Variants in OR11A1 observed in about 807,000 individuals in gnomAD.
OR11A1 encodes the protein olfactory receptor 11A1.
For missense variants in OR11A1, 380 were observed against 378.2 expected (o/e 1.00, Z -0.04); for synonymous variants, 158 against 152.2 (o/e 1.04, Z -0.28).
rs143341171 is a variant in OR11A1, at chr6:29,432,673, C to T, written c.-388-686G>A. Among the ~76,000 whole-genome samples, 438 of 152,262 alleles carry T rather than the reference C, an allele frequency of 2.9e-3. 3 individuals are homozygous for T. The highest frequency in any genetic ancestry group is 6.8e-3 in the Middle Eastern group (2 of 294). On this transcript the variant is annotated intron_variant, in intron 1 of 4. Coordinates refer to ENST00000377149, the MANE Select transcript of OR11A1 (RefSeq NM_001394828.1). ...GTTATGTAGCGTTTCAATATCCTTC[C>T]TGACCAAATTACTGCCCAACAACTT...
intron 1 of OR11A1, among the ~76,000 whole-genome samples, chr6:29,456,784 C>T (rs1786373308): frequency 1.3e-5 from 2 of 152,158 alleles, no homozygotes. Flanking sequence ...TATTTATTAT[C>T]TCACAGTTTC....
chr6:29,431,103 A>G (rs954383434), intron 2 of OR11A1, among the ~76,000 whole-genome samples: 11 of 152,202 alleles, frequency 7.2e-5, no homozygotes, highest in Non-Finnish European at 1.3e-4. Context: ...ATTCTAAGTA[A>G]AAACCATAAC....
At chr6:29,441,280 A>G (rs1784170762) in intron 1 of OR11A1, among the ~76,000 whole-genome samples, 1 of 152,226 alleles carries the variant, frequency 6.6e-6, no homozygotes. Context: ...TTCAGCCACA[A>G]CAATGATCCT....
chr6:29,446,212 T>C (rs1036013038), intron 1 of OR11A1, among the ~76,000 whole-genome samples: 1 of 152,180 alleles, frequency 6.6e-6, no homozygotes, highest in Non-Finnish European at 1.5e-5. Context: ...GGCAATCTGG[T>C]CAACTTCCTT....
At chr6:29,440,018 G>C (rs766731304) in intron 1 of OR11A1, 11 of 1,611,722 alleles carry the variant, frequency 6.8e-6, no homozygotes, top group Non-Finnish European at 9.3e-6. Context: ...CAGGCAGGAT[G>C]AGTGCAAACA....
intron 3 of OR11A1, 41 bp from the exon 4 acceptor site, chr6:29,429,001 A>G: frequency 5.5e-6 from 4 of 723,710 alleles, no homozygotes; most frequent in Non-Finnish European, 6.8e-6. Flanking sequence ...GATTAGAAAC[A>G]GTTGAGAAAG....
chr6:29,434,892 T>C lies in OR11A1; in HGVS notation c.-388-2905A>G, dbSNP rs114409834. Among the ~76,000 whole-genome samples, 1,005 of 152,328 alleles carry C rather than the reference T, an allele frequency of 6.6e-3. 8 individuals carry two copies. The highest frequency in any genetic ancestry group is 0.01 in the Middle Eastern group (3 of 292). ...CCTTCCCTTGTGTCCTGGGGTCAAT[T>C]TGGCCTAAACTGCAAGACGTGAAAA... On this transcript the variant is annotated intron_variant, in intron 1 of 4. Transcript: ENST00000377149.
chr6:29,426,871 C>A lies in OR11A1; in HGVS notation c.771G>T (p.Met257Ile). ...CAGCAGAGGGTGCAACATAAAAGAT[C>A]ATGAGCGTTCCATAGAATGTGGTCA... Reference protein sequence around the residue: ...AVVTTFYGTLMIFYVAPSAVH... With the variant: ...AVVTTFYGTLIIFYVAPSAVH... The change falls in exon 5 of 5, where the codon ATG becomes ATT. Residue 257 changes from methionine (M) to isoleucine (I), a missense_variant. Transcript: ENST00000377149. The A allele has an allele frequency of 6.2e-7, 1 of 1,613,080 alleles. No individual in the cohort carries two copies. Among genetic ancestry groups the A allele is most frequent in the Non-Finnish European group, 8.5e-7 (1 of 1,180,028 alleles).
intron 1 of OR11A1, among the ~76,000 whole-genome samples, chr6:29,448,569 C>T (rs1477455544): frequency 6.6e-6 from 1 of 152,206 alleles, no homozygotes. Context: ...CCAAGTGATA[C>T]ATTCTGTTTA....
At chr6:29,440,528 T>C in intron 1 of OR11A1, 2 of 1,613,684 alleles carry the variant, frequency 1.2e-6, no homozygotes, top group South Asian at 1.1e-5. Flanking sequence ...GCGGCCCCAA[T>C]ACCATCCCGC....
chr6:29,430,994 T>C (rs1042470660), intron 2 of OR11A1, among the ~76,000 whole-genome samples: 2 of 151,864 alleles, frequency 1.3e-5, no homozygotes, highest in South Asian at 2.1e-4. Context: ...GCAGGAAGAG[T>C]TTGAAATCAA....
intron 2 of OR11A1, among the ~76,000 whole-genome samples, chr6:29,430,812 A>C (rs1397054378): frequency 6.6e-6 from 1 of 152,170 alleles, no homozygotes; most frequent in East Asian, 1.9e-4. Context: ...AATCTGTAAA[A>C]GTAGATATGA....
At chr6:29,435,498 G>A (rs760138948) in intron 1 of OR11A1, among the ~76,000 whole-genome samples, 3 of 152,130 alleles carry the variant, frequency 2.0e-5, no homozygotes, top group Non-Finnish European at 2.9e-5. Flanking sequence ...TCATAAGCTC[G>A]AGCTCAGTGA....
intron 1 of OR11A1, chr6:29,432,189 G>A (rs1783276284): frequency 6.1e-6 from 1 of 164,428 alleles, no homozygotes; most frequent in African/African-American, 2.4e-5. Context: ...CAGATTTACT[G>A]GAGAGCAGCC....
At chr6:29,436,804 T>C (rs913730123) in intron 1 of OR11A1, among the ~76,000 whole-genome samples, 2 of 152,224 alleles carry the variant, frequency 1.3e-5, no homozygotes, top group Admixed American at 6.5e-5. Context: ...CAGTGCTCTG[T>C]CAGCTGTATC....
intron 4 of OR11A1, chr6:29,428,138 C>G: frequency 4.6e-6 from 3 of 654,752 alleles, no homozygotes; most frequent in Non-Finnish European, 5.7e-6. Flanking sequence ...GTCTAATCCC[C>G]ATGGTCACTA....
At chr6:29,442,339 C>T (rs1784278708) in intron 1 of OR11A1, among the ~76,000 whole-genome samples, 1 of 152,138 alleles carries the variant, frequency 6.6e-6, no homozygotes, top group African/African-American at 2.4e-5. Context: ...CAGTGAACTG[C>T]AGAACAAATA....
rs1782829369 is a variant in OR11A1, at chr6:29,426,681, TC to T, written c.*12del. 17 of 1,594,728 alleles carry T rather than the reference TC, an allele frequency of 1.1e-5. No individual in the cohort carries two copies. In the Middle Eastern group the frequency reaches 5.0e-4, roughly 47 times the overall value. Reference sequence around the variant, plus strand: ...GTGTCCGAAGTCCAAAATAACATCTTCATTACTCTCCTTCAATCAAGTGTTT... The same window carrying T: ...GTGTCCGAAGTCCAAAATAACATCTTATTACTCTCCTTCAATCAAGTGTTT... On this transcript the variant is annotated 3_prime_UTR_variant, in exon 5 of 5. Coordinates refer to ENST00000377149, the MANE Select transcript of OR11A1 (RefSeq NM_001394828.1).
Position 29,427,222 on chromosome 6 carries a change from T to C in OR11A1, c.420A>G (p.Arg140=). The C allele has an allele frequency of 6.2e-7, 1 of 1,613,048 alleles. No individual in the cohort carries two copies. Among genetic ancestry groups the C allele is most frequent in the Non-Finnish European group, 8.5e-7 (1 of 1,180,022 alleles). Reference sequence around the variant, plus strand: ...TTGTGACCACCAGCCCCATGTACCGTCTGGGCCCCATCAGGAGTGGGTAGT... The same window carrying C: ...TTGTGACCACCAGCCCCATGTACCGCCTGGGCCCCATCAGGAGTGGGTAGT... ...PLHYPLLMGP[R]RYMGLVVTTW... The change falls in exon 5 of 5, where the codon AGA becomes AGG. Residue 140 remains arginine, a synonymous_variant. Transcript: ENST00000377149.
Sources: allele counts gnomAD v4.1 joint callset (sites outside exome capture counted in the v4.1 genomes callset), GRCh38; gene constraint gnomAD v4.1.1; transcripts MANE v1.5; gene names NCBI Gene and HGNC (gene_info 2026-07-23, HGNC 2026-07-21).